GRIK4: variants seen among roughly 807,000 people sequenced by gnomAD.
GRIK4 encodes glutamate ionotropic receptor kainate type subunit 4, also known as glutamate receptor ionotropic, kainate 4.
Under a neutral mutation model 104.9 loss-of-function variants are expected in GRIK4, and 40 were observed. That is an observed-to-expected ratio of 0.38 (90% CI 0.30 to 0.50). The LOEUF (loss-of-function observed/expected upper bound fraction) is 0.50. Among genes scored for constraint, GRIK4 ranks in the 20% least tolerant of loss-of-function variants. The pLI is 0.93. For synonymous variants in GRIK4, 485 were observed against 524.9 expected, an observed-to-expected ratio of 0.92 and a Z score of 1.04; for missense variants, 1,047 against 1,308.1, an observed-to-expected ratio of 0.80 and a Z score of 3.08.
chr11:120,752,805 C>T (rs1951580082), intron 3 of GRIK4, among the ~76,000 whole-genome samples: 2 of 152,198 alleles, frequency 1.3e-5, no homozygotes. Context: ...TCACTGTTTG[C>T]ACAGCTGAGG....
intron 13 of GRIK4, among the ~76,000 whole-genome samples, chr11:120,918,451 G>GTT (rs905274648): frequency 2.0e-5 from 3 of 152,136 alleles, no homozygotes; most frequent in African/African-American, 7.2e-5. Flanking sequence ...CTTTCATAGA[G>GTT]TTCACATCCT....
chr11:120,909,546 GAAGA>G, intron 13 of GRIK4, among the ~76,000 whole-genome samples: 1 of 152,182 alleles, frequency 6.6e-6, no homozygotes, highest in Non-Finnish European at 1.5e-5. Context: ...GGAACTTGGG[GAAGA>G]AAGAGAATGT....
intron 5 of GRIK4, among the ~76,000 whole-genome samples, chr11:120,818,909 T>C (rs576465903): frequency 6.6e-6 from 1 of 152,298 alleles, no homozygotes; most frequent in Admixed American, 6.5e-5. Flanking sequence ...AGTGGAAGAA[T>C]AAAATCAAGG....
At chr11:120,662,117 C>T (rs1342406523) in intron 3 of GRIK4, among the ~76,000 whole-genome samples, 1 of 152,196 alleles carries the variant, frequency 6.6e-6, no homozygotes, top group Non-Finnish European at 1.5e-5. Flanking sequence ...CTCGCCTCTC[C>T]CGACACTTGT....
chr11:120,874,009 C>T, intron 9 of GRIK4, 57 bp from the exon 10 acceptor site: 2 of 1,491,904 alleles, frequency 1.3e-6, no homozygotes, highest in Non-Finnish European at 1.8e-6. Context: ...CCTCCCCTCC[C>T]TTTCTTCCTC....
intron 4 of GRIK4, among the ~76,000 whole-genome samples, chr11:120,812,241 G>A (rs1489396156): frequency 6.6e-6 from 1 of 152,192 alleles, no homozygotes; most frequent in East Asian, 1.9e-4. Context: ...AGGCCAGGAT[G>A]ACTGTGGCTT....
chr11:120,736,341 T>A (rs1426573822), intron 3 of GRIK4, among the ~76,000 whole-genome samples: 1 of 152,130 alleles, frequency 6.6e-6, no homozygotes, highest in Non-Finnish European at 1.5e-5. Flanking sequence ...TTCTCTCTTC[T>A]GTCCTCAAGC....
chr11:120,560,485 C>G (rs1948227895), intron 1 of GRIK4, among the ~76,000 whole-genome samples: 1 of 152,198 alleles, frequency 6.6e-6, no homozygotes, highest in African/African-American at 2.4e-5. Flanking sequence ...GAGTCTCCTT[C>G]ACAGTGATAT....
chr11:120,923,392 A>G (rs972676302), intron 13 of GRIK4, among the ~76,000 whole-genome samples: 24 of 147,152 alleles, frequency 1.6e-4, no homozygotes, highest in African/African-American at 5.8e-4. Context: ...GCTAGGCCCG[A>G]TCCATTTGCT....
intron 3 of GRIK4, among the ~76,000 whole-genome samples, chr11:120,734,565 T>C (rs183630486): frequency 6.6e-6 from 1 of 152,360 alleles, no homozygotes; most frequent in African/African-American, 2.4e-5. Flanking sequence ...CTTCTTGTAC[T>C]TGGATATTGA....
chr11:120,548,220 C>T (rs908961205), intron 1 of GRIK4, among the ~76,000 whole-genome samples: 1 of 152,058 alleles, frequency 6.6e-6, no homozygotes, highest in African/African-American at 2.4e-5. Context: ...CCATGCATGA[C>T]ACGTGATAAG....
intron 3 of GRIK4, among the ~76,000 whole-genome samples, chr11:120,743,099 G>A (rs957011537): frequency 6.6e-6 from 1 of 151,988 alleles, no homozygotes; most frequent in Non-Finnish European, 1.5e-5. Context: ...GTGTGGTGGC[G>A]GGTGCCTGTA....
chr11:120,704,239 G>A lies in GRIK4; in HGVS notation c.82+43839G>A, dbSNP rs529967519. 1.1e-4 allele frequency among the ~76,000 whole-genome samples: 17 copies of A among 152,182 alleles called. No individual in the cohort carries two copies. The South Asian group carries it at 1.9e-3, about 17-fold the overall frequency. Reference sequence around the variant, plus strand: ...ACTTTTCTTATGATGATATATATGCGGTTTATTCTTCACTAGACTGTGGTC... The same window carrying A: ...ACTTTTCTTATGATGATATATATGCAGTTTATTCTTCACTAGACTGTGGTC... On this transcript the variant is annotated intron_variant, in intron 3 of 20. Coordinates refer to ENST00000527524, the MANE Select transcript of GRIK4 (RefSeq NM_014619.5).
At chr11:120,974,105 A>C (rs1944521861) in intron 19 of GRIK4, among the ~76,000 whole-genome samples, 1 of 152,124 alleles carries the variant, frequency 6.6e-6, no homozygotes, top group Non-Finnish European at 1.5e-5. Context: ...ATGGGATATC[A>C]CCATGTTGGC....
Position 120,985,976 on chromosome 11 carries a change from C to T in GRIK4, c.2587C>T (p.Arg863Trp), listed in dbSNP as rs1944737748. ...GTGTCAGGACAGTATCCACCCCCGC[C>T]GGCGGCGCGCCGCAGTCCCGCCGCC... ...ILCQDSIHPR[R>W]RRAAVPPPRP... The change falls in exon 21 of 21, where the codon CGG (arginine) becomes TGG (tryptophan). Residue 863 changes from arginine to tryptophan, a missense_variant. This residue lies in a region of GRIK4 where 440 missense variants were observed against 652.3 expected (regional missense o/e 0.67). Transcript: ENST00000527524. 1.1e-5 allele frequency: 17 copies of T among 1,535,152 alleles called. No homozygotes were observed. The highest frequency in any genetic ancestry group is 1.4e-5 in the African/African-American group (1 of 70,560).
intron 3 of GRIK4, among the ~76,000 whole-genome samples, chr11:120,684,772 G>A (rs763392473): frequency 3.9e-5 from 6 of 151,994 alleles, no homozygotes; most frequent in Non-Finnish European, 5.9e-5. Flanking sequence ...GTGCAGTGGC[G>A]CGATCTCAGC....
Position 120,691,033 on chromosome 11 carries a change from T to G in GRIK4, c.82+30633T>G, listed in dbSNP as rs188815558. ...TTCAGTCTCCCTCCTTGGCTTCTTT[T>G]TAGAACAAGAAAGCCAAAATTCCAT... On this transcript the variant is annotated intron_variant, in intron 3 of 20. Transcript: ENST00000527524. Among the ~76,000 whole-genome samples the G allele has an allele frequency of 6.5e-3, 984 of 152,318 alleles. 8 individuals are homozygous for G. The highest frequency in any genetic ancestry group is 0.021 in the African/African-American group (874 of 41,580).
intron 14 of GRIK4, among the ~76,000 whole-genome samples, chr11:120,947,805 G>A (rs541707816): frequency 6.6e-6 from 1 of 152,284 alleles, no homozygotes; most frequent in African/African-American, 2.4e-5. Flanking sequence ...TTCTATGGGG[G>A]AAGACAATGG....
At chr11:120,644,645 G>C (rs1949518136) in intron 1 of GRIK4, among the ~76,000 whole-genome samples, 1 of 152,188 alleles carries the variant, frequency 6.6e-6, no homozygotes, top group Admixed American at 6.5e-5. Context: ...CTTGCAGCCA[G>C]GCCAGGAGGA....
Sources: gnomAD v4.1 joint callset for allele counts (sites outside exome capture counted in the v4.1 genomes callset) on GRCh38, gnomAD v4.1.1 for gene constraint, gnomAD v4.1.1 regional missense constraint, MANE v1.5 for transcripts, NCBI Gene and HGNC (gene_info 2026-07-23, HGNC 2026-07-21) for gene names.